MRTFB: variants seen among roughly 807,000 people sequenced by gnomAD.
MRTFB encodes myocardin-related transcription factor B.
MRTFB carries 29 observed loss-of-function variants against 104.2 expected under a neutral mutation model. That is an observed-to-expected ratio of 0.28 (90% CI 0.21 to 0.38). MRTFB has a LOEUF of 0.38. MRTFB is among the 10% of genes least tolerant of loss of function. The pLI is 1.00. For missense variants in MRTFB, 1,270 were observed against 1,341.6 expected (o/e 0.95, Z 0.83); for synonymous variants, 535 against 519.5 (o/e 1.03, Z -0.41).
chr16:14,011,221 G>A, the MRTFB span, among the ~76,000 whole-genome samples: 5 of 152,270 alleles, frequency 3.3e-5, no homozygotes, highest in African/African-American at 1.2e-4. Flanking sequence ...AGAAAGGGAT[G>A]TATTCAGCTG....
chr16:14,193,111 A>T (rs753176903), intron 3 of MRTFB, among the ~76,000 whole-genome samples: 2 of 146,486 alleles, frequency 1.4e-5, no homozygotes, highest in Non-Finnish European at 3.0e-5. Flanking sequence ...CCCTACACAC[A>T]TTCTGGCCCC....
the MRTFB span, among the ~76,000 whole-genome samples, chr16:14,063,014 C>T: frequency 2.6e-5 from 4 of 152,190 alleles, no homozygotes; most frequent in Admixed American, 1.3e-4. Context: ...GCAAGGAAGG[C>T]AGGAGATCTG....
At chr16:14,234,399 A>G in intron 9 of MRTFB, 116 bp downstream of exon 9, 1 of 1,248,174 alleles carries the variant, frequency 8.0e-7, no homozygotes, top group Non-Finnish European at 1.1e-6. Flanking sequence ...TTTTAGCCCA[A>G]AGTCTTAAAA....
intron 8 of MRTFB, 149 bp downstream of exon 8, chr16:14,219,147 A>C: frequency 1.4e-6 from 1 of 730,720 alleles, no homozygotes; most frequent in Non-Finnish European, 2.0e-6. Context: ...ACTGCCCTCC[A>C]GGAAGGTAAT....
intron 2 of MRTFB, among the ~76,000 whole-genome samples, chr16:14,131,993 A>T (rs762025359): frequency 2.0e-5 from 3 of 152,218 alleles, no homozygotes; most frequent in South Asian, 2.1e-4. Context: ...TTCCATAGCA[A>T]CATTCGTAGT....
chr16:14,239,583 A>C (rs1269187296), intron 9 of MRTFB, among the ~76,000 whole-genome samples: 1 of 152,224 alleles, frequency 6.6e-6, no homozygotes. Flanking sequence ...TGAAAAGTAT[A>C]AAGTGATCTG....
chr16:14,040,027 C>T, the MRTFB span, among the ~76,000 whole-genome samples: 3 of 152,208 alleles, frequency 2.0e-5, no homozygotes, highest in South Asian at 2.1e-4. Context: ...GGATTATAGG[C>T]GTGAGCCACC....
chr16:14,191,395 A>G (rs544841903), intron 3 of MRTFB, among the ~76,000 whole-genome samples: 1 of 152,354 alleles, frequency 6.6e-6, no homozygotes, highest in Non-Finnish European at 1.5e-5. Context: ...TTTTAAAGAA[A>G]GGCACTTGAT....
At chr16:14,047,149 A>G in the MRTFB span, among the ~76,000 whole-genome samples, 1 of 152,224 alleles carries the variant, frequency 6.6e-6, no homozygotes, top group South Asian at 2.1e-4. Flanking sequence ...CTCACATAGT[A>G]TGTCAATTAG....
chr16:14,231,727 C>A (rs571869579), intron 8 of MRTFB, among the ~76,000 whole-genome samples: 8 of 152,332 alleles, frequency 5.3e-5, no homozygotes, highest in African/African-American at 1.7e-4. Context: ...TACATCACTT[C>A]AAAATTACTC....
At chr16:14,257,439 G>A (rs1388507913) in intron 15 of MRTFB, among the ~76,000 whole-genome samples, 1 of 152,122 alleles carries the variant, frequency 6.6e-6, no homozygotes, top group Non-Finnish European at 1.5e-5. Flanking sequence ...GGTACACACT[G>A]TAAGACAGAT....
At chr16:14,145,658 T>C (rs964760982) in intron 3 of MRTFB, among the ~76,000 whole-genome samples, 2 of 152,218 alleles carry the variant, frequency 1.3e-5, no homozygotes, top group African/African-American at 2.4e-5. Flanking sequence ...AGTGAGGCCT[T>C]AATGAAGGAA....
chr16:14,176,116 G>T (rs1196726365), intron 3 of MRTFB, among the ~76,000 whole-genome samples: 1 of 152,158 alleles, frequency 6.6e-6, no homozygotes, highest in Non-Finnish European at 1.5e-5. Context: ...AATTGATTTT[G>T]AGGTGTCTTT....
chr16:14,043,987 GA>G, the MRTFB span, among the ~76,000 whole-genome samples: 1 of 152,220 alleles, frequency 6.6e-6, no homozygotes, highest in African/African-American at 2.4e-5. Flanking sequence ...CTTCCTGGAG[GA>G]GGTGACATCT....
At chr16:14,188,948 A>G (rs2040058837) in intron 3 of MRTFB, among the ~76,000 whole-genome samples, 2 of 151,964 alleles carry the variant, frequency 1.3e-5, no homozygotes, top group Admixed American at 1.3e-4. Context: ...GAGAAACTTT[A>G]TATTTAAAAC....
chr16:14,161,284 T>C (rs1314213411), intron 3 of MRTFB, among the ~76,000 whole-genome samples: 1 of 152,080 alleles, frequency 6.6e-6, no homozygotes, highest in African/African-American at 2.4e-5. Flanking sequence ...TTTAGACAGA[T>C]AGTCTGACCA....
In MRTFB at chr16:14,261,556, T is replaced by A. The variant is rs1045690609; in HGVS notation, c.*112T>A. 2 of 1,139,168 alleles carry A rather than the reference T, an allele frequency of 1.8e-6. No homozygotes were observed. Among genetic ancestry groups the A allele is most frequent in the Non-Finnish European group, 2.5e-6 (2 of 813,566 alleles). The allele number at this position is 1,139,168 out of a possible 1,614,324, so 70.6% of individuals were successfully genotyped here. On this transcript the variant is annotated 3_prime_UTR_variant, in exon 17 of 17. Transcript: ENST00000571589. The stretch of plus-strand genomic sequence containing the variant: ...GCATTGTTGCAATCAAAATATGTTG[T>A]CACAGAAAGAATAGGTGGAAGGTCA...
intron 8 of MRTFB, among the ~76,000 whole-genome samples, chr16:14,226,370 T>A (rs957326591): frequency 6.6e-6 from 1 of 152,114 alleles, no homozygotes; most frequent in African/African-American, 2.4e-5. Flanking sequence ...AGCCCAGAAA[T>A]AAGCCCTTAG....
In MRTFB at chr16:14,229,842, G is replaced by A. The variant is rs143248560; in HGVS notation, c.694-4304G>A. Among the ~76,000 whole-genome samples the A allele has an allele frequency of 7.1e-3, 1,073 of 151,946 alleles. 10 individuals are homozygous for A. Among genetic ancestry groups the A allele is most frequent in the African/African-American group, 0.023 (934 of 41,424 alleles). On this transcript the variant is annotated intron_variant, in intron 8 of 16. Coordinates refer to ENST00000571589, the MANE Select transcript of MRTFB (RefSeq NM_001308142.2). The stretch of plus-strand genomic sequence containing the variant: ...GATGAAAATTAAAGATCTGGCCCTC[G>A]TGAGACCTGTAACCTGTAATGGAAA...
Sources: allele counts gnomAD v4.1 joint callset (sites outside exome capture counted in the v4.1 genomes callset), GRCh38; gene constraint gnomAD v4.1.1; transcripts MANE v1.5; gene names NCBI Gene and HGNC (gene_info 2026-07-23, HGNC 2026-07-21).